Variants in PCMT1 observed in about 807,000 individuals in gnomAD.
PCMT1 encodes protein-L-isoaspartate (D-aspartate) O-methyltransferase, also known as protein-L-isoaspartate(D-aspartate) O-methyltransferase.
Under a neutral mutation model 29.2 loss-of-function variants are expected in PCMT1, and 9 were observed. The ratio of observed to expected loss-of-function variants is 0.31; its 90% confidence interval spans 0.19 to 0.54. The LOEUF is 0.54. Ranked by LOEUF, PCMT1 falls within the 20% of genes least tolerant of loss-of-function variation. The pLI is 0.95. For missense variants in PCMT1, 184 were observed against 282.2 expected, an observed-to-expected ratio of 0.65 and a Z score of 2.49; for synonymous variants, 98 against 97.5, an observed-to-expected ratio of 1.00 and a Z score of -0.03.
chr6:149,790,825 G>A (rs1486681174), intron 4 of PCMT1, among the ~76,000 whole-genome samples: 2 of 152,028 alleles, frequency 1.3e-5, no homozygotes, highest in Non-Finnish European at 1.5e-5. Context: ...CCTGGCCAAC[G>A]TGGTGAAACC....
intron 7 of PCMT1, among the ~76,000 whole-genome samples, chr6:149,803,875 G>T (rs999329824): frequency 6.7e-6 from 1 of 150,352 alleles, no homozygotes; most frequent in Non-Finnish European, 1.5e-5. Flanking sequence ...TAAGTCAGGA[G>T]TTTGAGACCA....
intron 3 of PCMT1, among the ~76,000 whole-genome samples, chr6:149,781,232 T>C (rs954156472): frequency 2.0e-5 from 3 of 149,812 alleles, no homozygotes; most frequent in African/African-American, 4.9e-5. Flanking sequence ...ATTAAAACTT[T>C]TTTTTTTTTT....
chr6:149,754,137 T>C (rs10782318), intron 1 of PCMT1, among the ~76,000 whole-genome samples: 52,033 of 152,080 alleles, frequency 0.34, 10,587 homozygotes, highest in East Asian at 0.81. Flanking sequence ...TTCTCTATAT[T>C]GTCCAGTGTG....
chr6:149,751,562 A>G (rs139394852), intron 1 of PCMT1, among the ~76,000 whole-genome samples: 2 of 147,364 alleles, frequency 1.4e-5, no homozygotes, highest in African/African-American at 5.1e-5. Flanking sequence ...GCTCACTGCA[A>G]CCTCCGCCTC....
At chr6:149,770,409 G>C (rs958623300) in intron 1 of PCMT1, among the ~76,000 whole-genome samples, 1 of 151,982 alleles carries the variant, frequency 6.6e-6, no homozygotes, top group African/African-American at 2.4e-5. Context: ...TGTCCTTGCT[G>C]TTACTAAAGA....
At chr6:149,777,949 T>C (rs1787646653) in intron 3 of PCMT1, among the ~76,000 whole-genome samples, 1 of 150,108 alleles carries the variant, frequency 6.7e-6, no homozygotes, top group Non-Finnish European at 1.5e-5. Flanking sequence ...TGATCTTGGC[T>C]TACTGCAACC....
intron 1 of PCMT1, among the ~76,000 whole-genome samples, chr6:149,754,354 A>G (rs887172780): frequency 6.6e-6 from 1 of 152,172 alleles, no homozygotes; most frequent in Non-Finnish European, 1.5e-5. Context: ...AATTAGCTTA[A>G]TTTGAAACCG....
intron 4 of PCMT1, 71 bp downstream of exon 4, chr6:149,790,129 C>A: frequency 1.2e-6 from 1 of 856,610 alleles, no homozygotes; most frequent in Non-Finnish European, 1.8e-6. Context: ...GTTTTTTTAA[C>A]TAGTGGTTTT....
intron 1 of PCMT1, among the ~76,000 whole-genome samples, chr6:149,754,156 T>C (rs1347460964): frequency 1.3e-5 from 2 of 152,222 alleles, no homozygotes; most frequent in Non-Finnish European, 2.9e-5. Flanking sequence ...TGGTAGCTAC[T>C]AGCTACATGT....
intron 3 of PCMT1, among the ~76,000 whole-genome samples, chr6:149,786,607 C>G (rs1465040231): frequency 7.2e-6 from 1 of 139,414 alleles, no homozygotes; most frequent in African/African-American, 2.9e-5. Context: ...ATGGGGCGGC[C>G]GGGCAGAGAC....
At chr6:149,807,920 G>C (rs1190001382) in intron 7 of PCMT1, among the ~76,000 whole-genome samples, 2 of 152,136 alleles carry the variant, frequency 1.3e-5, no homozygotes, top group Admixed American at 1.3e-4. Context: ...CTTTACATAT[G>C]TTCCAGTATT....
rs183159596 is a variant in PCMT1 at position 149,781,520 on chromosome 6, C to T, written c.192+8351C>T. On this transcript the variant is annotated intron_variant, in intron 3 of 7. Coordinates refer to ENST00000464889, the MANE Select transcript of PCMT1 (RefSeq NM_001360452.2). ...GATTACAGGCGTGAGCCACGGCGCC[C>T]GGCCAAAAAATTTTTTTTAAAGACA... 6.0e-4 allele frequency among the ~76,000 whole-genome samples: 92 copies of T among 152,156 alleles called. 1 individual carries two copies. The highest frequency in any genetic ancestry group is 1.6e-3 in the African/African-American group (65 of 41,516).
At chr6:149,808,629 AATTATT>A (rs959463584) in intron 7 of PCMT1, among the ~76,000 whole-genome samples, 62 of 151,814 alleles carry the variant, frequency 4.1e-4, no homozygotes, top group Middle Eastern at 6.8e-3. Flanking sequence ...AATTGTAGTA[AATTATT>A]ATTATTATTA....
chr6:149,794,516 G>A (rs560410434), intron 5 of PCMT1, among the ~76,000 whole-genome samples: 1 of 152,336 alleles, frequency 6.6e-6, no homozygotes, highest in South Asian at 2.1e-4. Context: ...TACTCGGGAG[G>A]CTGAGGCAGG....
chr6:149,798,499 T>C (rs2115331453), intron 6 of PCMT1, among the ~76,000 whole-genome samples: 1 of 152,352 alleles, frequency 6.6e-6, no homozygotes, highest in East Asian at 1.9e-4. Flanking sequence ...GGGGTATGTA[T>C]ACATCTGATT....
chr6:149,807,298 ATTATT>A (rs1356949000), intron 7 of PCMT1, among the ~76,000 whole-genome samples: 1 of 152,118 alleles, frequency 6.6e-6, no homozygotes, highest in African/African-American at 2.4e-5. Flanking sequence ...GTTCTTAAGT[ATTATT>A]TTATTTTAAA....
chr6:149,786,897 A>G (rs944383075), intron 3 of PCMT1, among the ~76,000 whole-genome samples: 2 of 146,608 alleles, frequency 1.4e-5, no homozygotes, highest in African/African-American at 5.2e-5. Context: ...CAGAGGCTGC[A>G]ATCTCGGCAC....
chr6:149,803,051 T>TA (rs1775890340), intron 7 of PCMT1, among the ~76,000 whole-genome samples: 1 of 7,710 alleles, frequency 1.3e-4, no homozygotes, highest in South Asian at 3.4e-3. Context: ...AGGCTCTGTC[T>TA]CAAAAAAAAA....
intron 3 of PCMT1, among the ~76,000 whole-genome samples, chr6:149,778,372 G>C (rs949252381): frequency 9.9e-5 from 15 of 151,436 alleles, no homozygotes; most frequent in Non-Finnish European, 2.1e-4. Flanking sequence ...AGGATTACAA[G>C]TGTGCACCAC....
Sources: gnomAD v4.1 joint callset for allele counts (sites outside exome capture counted in the v4.1 genomes callset) on GRCh38, gnomAD v4.1.1 for gene constraint, MANE v1.5 for transcripts, NCBI Gene and HGNC (gene_info 2026-07-23, HGNC 2026-07-21) for gene names.